Variants in MAP3K7CL observed in about 807,000 individuals in gnomAD.
The protein encoded by MAP3K7CL is MAP3K7 C-terminal-like protein.
MAP3K7CL carries 16 observed loss-of-function variants against 18.6 expected under a neutral mutation model. The ratio of observed to expected loss-of-function variants is 0.86; its 90% CI spans 0.58 to 1.31. MAP3K7CL has a LOEUF of 1.31. Among genes scored for constraint, MAP3K7CL ranks in the 50% most tolerant of loss-of-function variants. The probability of loss-of-function intolerance (pLI) is 0.00; values close to 1 mark genes in which losing one functional copy is unlikely to be tolerated. For synonymous variants in MAP3K7CL, 65 were observed against 66.8 expected, an observed-to-expected ratio of 0.97 and a Z score of 0.13; for missense variants, 163 against 174.4, an observed-to-expected ratio of 0.93 and a Z score of 0.37.
chr21:29,101,546 C>A (rs2086230452), intron 4 of MAP3K7CL, among the ~76,000 whole-genome samples: 1 of 152,164 alleles, frequency 6.6e-6, no homozygotes, highest in Non-Finnish European at 1.5e-5. Flanking sequence ...GTAGTTGGGA[C>A]TACAGGCGCC....
At chr21:29,110,364 G>A (rs2086398235) in intron 4 of MAP3K7CL, among the ~76,000 whole-genome samples, 1 of 151,746 alleles carries the variant, frequency 6.6e-6, no homozygotes, top group Non-Finnish European at 1.5e-5. Context: ...ATGCTCTAAT[G>A]TTCTTATCAT....
chr21:29,123,848 T>C (rs971994983), intron 4 of MAP3K7CL, among the ~76,000 whole-genome samples: 4 of 152,216 alleles, frequency 2.6e-5, no homozygotes, highest in African/African-American at 7.2e-5. Context: ...GAGAAATTTA[T>C]GTTTTCCTTA....
chr21:29,137,429 G>A (rs2086910046), intron 2 of MAP3K7CL, among the ~76,000 whole-genome samples: 1 of 152,172 alleles, frequency 6.6e-6, no homozygotes, highest in Non-Finnish European at 1.5e-5. Flanking sequence ...GTGTCACCCA[G>A]AGCAGTTAGT....
intron 4 of MAP3K7CL, among the ~76,000 whole-genome samples, chr21:29,099,882 C>G (rs1397945005): frequency 2.6e-5 from 4 of 151,864 alleles, no homozygotes; most frequent in Non-Finnish European, 5.9e-5. Flanking sequence ...AGGAGATCGA[C>G]ACCATCCTGG....
At chr21:29,112,260 T>G (rs1184039254) in intron 4 of MAP3K7CL, among the ~76,000 whole-genome samples, 2 of 152,130 alleles carry the variant, frequency 1.3e-5, no homozygotes, top group Non-Finnish European at 2.9e-5. Context: ...ATCACGCCAT[T>G]GCACTCCAGC....
chr21:29,164,697 C>T (rs558360035), intron 4 of MAP3K7CL, among the ~76,000 whole-genome samples: 3 of 152,236 alleles, frequency 2.0e-5, no homozygotes, highest in African/African-American at 4.8e-5. Context: ...TTTAAAGAAT[C>T]GCTTCTGGCT....
At chr21:29,091,207 G>A (rs1335060379) in intron 1 of MAP3K7CL, among the ~76,000 whole-genome samples, 1 of 152,050 alleles carries the variant, frequency 6.6e-6, no homozygotes, top group Non-Finnish European at 1.5e-5. Flanking sequence ...AACCAAACCA[G>A]CAGAAAACAG....
intron 4 of MAP3K7CL, among the ~76,000 whole-genome samples, chr21:29,101,108 T>G (rs997750987): frequency 5.9e-5 from 9 of 151,820 alleles, no homozygotes; most frequent in Non-Finnish European, 1.2e-4. Context: ...GCCGCAAACA[T>G]TTTTTATCTT....
At chr21:29,151,260 C>A (rs984372418) in intron 3 of MAP3K7CL, among the ~76,000 whole-genome samples, 1 of 151,326 alleles carries the variant, frequency 6.6e-6, no homozygotes, top group Non-Finnish European at 1.5e-5. Flanking sequence ...TGGATAAGAC[C>A]AGCCTGGTCA....
chr21:29,104,275 C>T (rs1024704359), intron 4 of MAP3K7CL, among the ~76,000 whole-genome samples: 5 of 151,870 alleles, frequency 3.3e-5, no homozygotes, highest in Admixed American at 2.6e-4. Context: ...GGGGTTTTTT[C>T]TGTTCTCATT....
intron 4 of MAP3K7CL, among the ~76,000 whole-genome samples, chr21:29,117,724 CA>C (rs1780437400): frequency 6.6e-6 from 1 of 152,156 alleles, no homozygotes; most frequent in Non-Finnish European, 1.5e-5. Flanking sequence ...TTTTTATGAA[CA>C]AAACATGATC....
At chr21:29,109,369 C>A (rs2086380695) in intron 4 of MAP3K7CL, 5 of 1,358,990 alleles carry the variant, frequency 3.7e-6, no homozygotes, top group Non-Finnish European at 4.7e-6. Flanking sequence ...AAAGATAGAT[C>A]AACTCCTTGA....
upstream of MAP3K7CL, among the ~76,000 whole-genome samples, chr21:29,125,728 A>G (rs951575115): frequency 2.2e-4 from 34 of 152,286 alleles, no homozygotes; most frequent in Admixed American, 1.8e-3. Context: ...AAGGAGTAAC[A>G]ACATTACTGC....
In MAP3K7CL at chr21:29,092,473, A is replaced by C. The variant is rs142227725; in HGVS notation, c.262A>C (p.Met88Leu). ...TTTATGCTCTGCAACAAGTTTGGCC[A>C]TGTTGGAGGACAATCCAAAGGTCAG... Residue 88 changes from methionine (M) to leucine (L), a missense_variant, in exon 4 of 7, where the codon ATG (methionine) becomes CTG (leucine). Met to Leu is a conservative substitution (Grantham distance 15). Transcript: ENST00000286791. The C allele has an allele frequency of 1.9e-6, 3 of 1,614,108 alleles. No homozygotes were observed. The highest frequency in any genetic ancestry group is 3.3e-5 in the Admixed American group (2 of 60,008).
intron 4 of MAP3K7CL, chr21:29,109,392 C>A: frequency 1.5e-6 from 2 of 1,332,282 alleles, no homozygotes; most frequent in East Asian, 2.8e-5. Flanking sequence ...TCAGAGAGAG[C>A]TTTAAAAAAT....
At chr21:29,089,168 C>CAAAAAAAAAAAAAAAAA (rs748166183) in intron 1 of MAP3K7CL, among the ~76,000 whole-genome samples, 1 of 68,518 alleles carries the variant, frequency 1.5e-5, no homozygotes, top group Admixed American at 2.2e-4. Context: ...GACTCCGTCT[C>CAAAAAAAAAAAAAAAAA]AAAAAAAAAA....
upstream of MAP3K7CL, chr21:29,085,777 C>A: frequency 1.4e-6 from 2 of 1,397,792 alleles, no homozygotes; most frequent in East Asian, 2.3e-5. Flanking sequence ...GTTGCGATGG[C>A]TTTGATGCAG....
chr21:29,106,188 C>T (rs141631845), intron 4 of MAP3K7CL, among the ~76,000 whole-genome samples: 1 of 152,122 alleles, frequency 6.6e-6, no homozygotes, highest in African/African-American at 2.4e-5. Flanking sequence ...AAGAAAACGG[C>T]ACTTTTTTTT....
intron 4 of MAP3K7CL, among the ~76,000 whole-genome samples, chr21:29,099,373 G>A (rs767710029): frequency 1.4e-5 from 2 of 147,908 alleles, no homozygotes; most frequent in Non-Finnish European, 3.0e-5. Context: ...CCAAAGTGCT[G>A]AGATTACAGG....
Sources: allele counts gnomAD v4.1 joint callset (sites outside exome capture counted in the v4.1 genomes callset), GRCh38; gene constraint gnomAD v4.1.1; transcripts MANE v1.5; gene names NCBI Gene and HGNC (gene_info 2026-07-23, HGNC 2026-07-21).